KCNK12: variants seen among roughly 807,000 people sequenced by gnomAD.
KCNK12 encodes potassium two pore domain channel subfamily K member 12.
Under a neutral mutation model 25.3 loss-of-function variants are expected in KCNK12, and 6 were observed. That is an observed-to-expected ratio of 0.24 (90% CI 0.13 to 0.47). The LOEUF (loss-of-function observed/expected upper bound fraction) is 0.47. KCNK12 is among the 20% of genes least tolerant of loss of function. The probability of loss-of-function intolerance (pLI) is 0.99; values close to 1 mark genes in which losing one functional copy is unlikely to be tolerated. For synonymous variants in KCNK12, 331 were observed against 311.1 expected (o/e 1.06, Z -0.67); for missense variants, 444 against 661.7 (o/e 0.67, Z 3.61).
intron 1 of KCNK12, among the ~76,000 whole-genome samples, chr2:47,536,821 T>C (rs1669080310): frequency 6.6e-6 from 1 of 152,246 alleles, no homozygotes; most frequent in African/African-American, 2.4e-5. Context: ...AGTACTTCTA[T>C]GACTGGGCAT....
At chr2:47,543,948 G>A (rs754177693) in intron 1 of KCNK12, 22 of 152,206 alleles carry the variant, frequency 1.4e-4, no homozygotes, top group Admixed American at 1.3e-4. Context: ...AAGGAGCCAG[G>A]AGGATGGCTG....
chr2:47,531,066 C>T (rs542840937), intron 1 of KCNK12, among the ~76,000 whole-genome samples: 33 of 152,320 alleles, frequency 2.2e-4, no homozygotes, highest in African/African-American at 7.9e-4. Context: ...TGAAAATAAT[C>T]CCCAATCCCC....
chr2:47,516,284 G>A lies in KCNK12; in HGVS notation c.*4623C>T, dbSNP rs560641142. 1.2e-4 allele frequency among the ~76,000 whole-genome samples: 19 copies of A among 152,334 alleles called. No individual in the cohort carries two copies. Among genetic ancestry groups the A allele is most frequent in the African/African-American group, 4.6e-4 (19 of 41,570 alleles). On this transcript the variant is annotated 3_prime_UTR_variant, in exon 2 of 2. Coordinates refer to ENST00000327876, the MANE Select transcript of KCNK12 (RefSeq NM_022055.2). ...GACCAATGAAATCAGACTCCTGGGAGTACGGCCCGGGCCTCGGGATCCTTT... is the reference window on the plus strand; with the variant it reads ...GACCAATGAAATCAGACTCCTGGGAATACGGCCCGGGCCTCGGGATCCTTT...
intron 1 of KCNK12, among the ~76,000 whole-genome samples, chr2:47,522,264 G>C (rs1194811383): frequency 6.6e-6 from 1 of 152,090 alleles, no homozygotes; most frequent in Non-Finnish European, 1.5e-5. Flanking sequence ...GGTGAGTTTT[G>C]TTGGGTGAAT....
Position 47,569,069 on chromosome 2 carries a change from C to A in KCNK12, c.391+872G>T, listed in dbSNP as rs970348001. ...GAATTTCTCCACAGGAGCTCAGAGG[C>A]AGCAATCTGGCCACAGAGGGAGGGG... is the stretch of plus-strand genomic sequence containing the variant. On this transcript the variant is annotated intron_variant, in intron 1 of 1. Transcript: ENST00000327876. The surrounding 1 kb of genome is among the most constrained non-coding windows in gnomAD (Gnocchi z 4.1). 6.6e-6 allele frequency among the ~76,000 whole-genome samples: 1 copy of A among 151,152 alleles called. No individual in the cohort carries two copies. The highest frequency in any genetic ancestry group is 2.4e-5 in the African/African-American group (1 of 41,054).
chr2:47,542,501 T>C (rs752556193), intron 1 of KCNK12, among the ~76,000 whole-genome samples: 62 of 152,220 alleles, frequency 4.1e-4, no homozygotes, highest in Non-Finnish European at 7.2e-4. Flanking sequence ...CCACCCATTC[T>C]CCCTTCTTGC....
rs1669567577 is a variant in KCNK12, at chr2:47,557,193, T to C, written c.391+12748A>G. The stretch of plus-strand genomic sequence containing the variant: ...GTAAGACTTTTAAGAGGTGAGAACT[T>C]TAAGAGGTGATTGGATCATGTGGGT... On this transcript the variant is annotated intron_variant, in intron 1 of 1. Coordinates refer to ENST00000327876, the MANE Select transcript of KCNK12 (RefSeq NM_022055.2). The surrounding 1 kb of genome is among the most constrained non-coding windows in gnomAD (Gnocchi z 4.9). Among the ~76,000 whole-genome samples, 2 of 152,278 alleles carry C rather than the reference T, an allele frequency of 1.3e-5. No individual in the cohort carries two copies. Among genetic ancestry groups the C allele is most frequent in the South Asian group, 2.1e-4 (1 of 4,826 alleles).
chr2:47,549,356 C>T (rs1248434481), intron 1 of KCNK12, among the ~76,000 whole-genome samples: 1 of 152,126 alleles, frequency 6.6e-6, no homozygotes, highest in Non-Finnish European at 1.5e-5. Flanking sequence ...AAGTCCAACC[C>T]TGCTTGAAAG....
chr2:47,531,878 C>T (rs1490209698), intron 1 of KCNK12, among the ~76,000 whole-genome samples: 11 of 152,144 alleles, frequency 7.2e-5, no homozygotes. Flanking sequence ...TGATTGGTCA[C>T]AGGCCAGTCC....
intron 1 of KCNK12, among the ~76,000 whole-genome samples, chr2:47,543,126 T>G (rs1669237559): frequency 1.3e-5 from 2 of 152,144 alleles, no homozygotes; most frequent in African/African-American, 4.8e-5. Context: ...GGAACTTTAA[T>G]TTACTTGAGC....
chr2:47,541,234 G>A (rs1251407570), intron 1 of KCNK12, among the ~76,000 whole-genome samples: 1 of 152,172 alleles, frequency 6.6e-6, no homozygotes, highest in African/African-American at 2.4e-5. Context: ...CAGGAAGCCT[G>A]TTGGGAGCCT....
At chr2:47,553,915 TG>T (rs2104859123) in intron 1 of KCNK12, among the ~76,000 whole-genome samples, 1 of 152,294 alleles carries the variant, frequency 6.6e-6, no homozygotes, top group African/African-American at 2.4e-5. Flanking sequence ...ACAAAAGATC[TG>T]GGGTCAGAGA....
rs1224313057 is a variant in KCNK12 at position 47,570,967 on chromosome 2, A to G, written c.-636T>C. ...AGCTCCAGCCGAAGAGCCGCCCGGCAGGGAGAGGCGGAGTCACTGGCGCCC... is the reference window on the plus strand; with the variant it reads ...AGCTCCAGCCGAAGAGCCGCCCGGCGGGGAGAGGCGGAGTCACTGGCGCCC... On this transcript the variant is annotated 5_prime_UTR_variant, in exon 1 of 2. Coordinates refer to ENST00000327876, the MANE Select transcript of KCNK12 (RefSeq NM_022055.2). 1 of 151,778 alleles carries G rather than the reference A, an allele frequency of 6.6e-6. No homozygotes were observed. The highest frequency in any genetic ancestry group is 1.5e-5 in the Non-Finnish European group (1 of 67,974). The allele number at this position is 151,778 out of a possible 1,614,324, so 9.4% of individuals were successfully genotyped here. A position where few individuals can be genotyped will look rare whatever the true frequency, so the allele number is the denominator to read the frequency against.
chr2:47,511,158 G>A lies in KCNK12; in HGVS notation c.*9749C>T, dbSNP rs940240133. Among the ~76,000 whole-genome samples the A allele has an allele frequency of 6.6e-6, 1 of 152,344 alleles. No homozygotes were observed. The highest frequency in any genetic ancestry group is 2.4e-5 in the African/African-American group (1 of 41,576). On this transcript the variant is annotated 3_prime_UTR_variant, in exon 2 of 2. Coordinates refer to ENST00000327876, the MANE Select transcript of KCNK12 (RefSeq NM_022055.2). This position sits in a 1 kb window ranked among gnomAD's most constrained non-coding sequence, Gnocchi z 4.3. ...GACAGGACAGAGCTGTGGGCTAGCA[G>A]GAAGGATATCTGGCTTTTGCTTGAA...
In KCNK12 at chr2:47,547,760, G is replaced by A. The variant is rs1244754957; in HGVS notation, c.391+22181C>T. Among the ~76,000 whole-genome samples the A allele has an allele frequency of 6.6e-6, 1 of 152,072 alleles. No homozygotes were observed. The highest frequency in any genetic ancestry group is 1.5e-5 in the Non-Finnish European group (1 of 68,018). ...TTAGAGGCATCTGCCACCATACTTGGCGAATTTTTATATTTTTAGTAGAGA... is the reference window on the plus strand; with the variant it reads ...TTAGAGGCATCTGCCACCATACTTGACGAATTTTTATATTTTTAGTAGAGA... On this transcript the variant is annotated intron_variant, in intron 1 of 1. Coordinates refer to ENST00000327876, the MANE Select transcript of KCNK12 (RefSeq NM_022055.2). This position sits in a 1 kb window ranked among gnomAD's most constrained non-coding sequence, Gnocchi z 5.0.
rs759589138 is a variant in KCNK12, at chr2:47,512,372, G to A, written c.*8535C>T. The A allele has an allele frequency of 7.4e-6, 12 of 1,612,090 alleles. No individual in the cohort carries two copies. The highest frequency in any genetic ancestry group is 9.3e-6 in the Non-Finnish European group (11 of 1,179,660). Reference sequence around the variant, plus strand: ...GACATGGAAAAGGAAACTTCGTGGGGGAAAGAGATCTGCTTGCAGTCGGCC... The same window carrying A: ...GACATGGAAAAGGAAACTTCGTGGGAGAAAGAGATCTGCTTGCAGTCGGCC... On this transcript the variant is annotated 3_prime_UTR_variant, in exon 2 of 2. Transcript: ENST00000327876.
chr2:47,552,896 A>T (rs752233413), intron 1 of KCNK12, among the ~76,000 whole-genome samples: 7 of 152,228 alleles, frequency 4.6e-5, no homozygotes, highest in Non-Finnish European at 7.3e-5. Flanking sequence ...CAAGATCAGC[A>T]GAGGTCTTGT....
intron 1 of KCNK12, among the ~76,000 whole-genome samples, chr2:47,561,786 C>T (rs903411358): frequency 6.6e-6 from 1 of 152,198 alleles, no homozygotes; most frequent in Non-Finnish European, 1.5e-5. Context: ...CAGAACCACA[C>T]AGTTTGAATA....
Position 47,512,485 on chromosome 2 carries a change from C to T in KCNK12, c.*8422G>A. 1 of 1,525,790 alleles carries T rather than the reference C, an allele frequency of 6.6e-7. No individual in the cohort carries two copies. Among genetic ancestry groups the T allele is most frequent in the Non-Finnish European group, 8.8e-7 (1 of 1,131,602 alleles). The allele number at this position is 1,525,790 out of a possible 1,614,324, so 94.5% of individuals were successfully genotyped here. A position where few individuals can be genotyped will look rare whatever the true frequency, so the allele number is the denominator to read the frequency against. On this transcript the variant is annotated 3_prime_UTR_variant, in exon 2 of 2. Transcript: ENST00000327876. ...AGTTTTTCATTTGTAATTCTACAAA[C>T]ATCCCTTCTGTAAACATTTCCCTCA...
Sources: gnomAD v4.1 joint callset for allele counts (sites outside exome capture counted in the v4.1 genomes callset) on GRCh38, gnomAD v4.1.1 for gene constraint, Gnocchi (gnomAD v3.1) non-coding constraint, MANE v1.5 for transcripts, NCBI Gene and HGNC (gene_info 2026-07-23, HGNC 2026-07-21) for gene names.